Variants in SOX5 observed in about 807,000 individuals in gnomAD.
SOX5 encodes transcription factor SOX-5.
A neutral mutation model predicts 92.0 loss-of-function variants in SOX5; 9 were observed. The ratio of observed to expected loss-of-function variants is 0.10; its 90% CI spans 0.06 to 0.17. The LOEUF is 0.17. Among genes scored for constraint, SOX5 ranks in the 10% least tolerant of loss-of-function variants. SOX5 has a pLI of 1.00. For synonymous variants in SOX5, 344 were observed against 336.3 expected, an observed-to-expected ratio of 1.02 and a Z score of -0.25; for missense variants, 642 against 944.5, an observed-to-expected ratio of 0.68 and a Z score of 4.20.
intron 1 of SOX5, among the ~76,000 whole-genome samples, chr12:24,369,711 G>A (rs1249148110): frequency 6.6e-6 from 1 of 152,230 alleles, no homozygotes; most frequent in Admixed American, 6.5e-5. Flanking sequence ...TGCTGAAGCT[G>A]AGGTTGGTTT....
At chr12:24,387,041 C>T (rs538986301) in intron 1 of SOX5, among the ~76,000 whole-genome samples, 1 of 152,248 alleles carries the variant, frequency 6.6e-6, no homozygotes, top group Non-Finnish European at 1.5e-5. Flanking sequence ...TGGCACGGGG[C>T]CATGTAAATG....
chr12:23,922,943 C>CT (rs372074468), intron 1 of SOX5, among the ~76,000 whole-genome samples: 23,098 of 143,034 alleles, frequency 0.16, 1,869 homozygotes, highest in Non-Finnish European at 0.2. Context: ...GAAGCTCCTT[C>CT]TTTTTTTTTT....
chr12:24,227,860 T>C (rs1962430730), intron 3 of SOX5: 1 of 152,256 alleles, frequency 6.6e-6, no homozygotes, highest in East Asian at 1.9e-4. Context: ...AAGCATAGAG[T>C]TTACTAATAA....
At chr12:23,728,822 G>C (rs77406468) in intron 6 of SOX5, among the ~76,000 whole-genome samples, 5 of 152,122 alleles carry the variant, frequency 3.3e-5, no homozygotes, top group East Asian at 3.9e-4. Context: ...CAAAACTCGG[G>C]TAACTTGGAA....
chr12:24,017,626 T>C (rs1953803155), intron 4 of SOX5, among the ~76,000 whole-genome samples: 1 of 149,780 alleles, frequency 6.7e-6, no homozygotes, highest in Non-Finnish European at 1.5e-5. Context: ...TAAAATAACA[T>C]AAAATAAAAT....
chr12:24,110,900 C>CAAAAAAA (rs67100585), intron 4 of SOX5, among the ~76,000 whole-genome samples: 10 of 27,586 alleles, frequency 3.6e-4, no homozygotes, highest in African/African-American at 6.8e-4. Context: ...GACTCCACTT[C>CAAAAAAA]AAAAAAAAAA....
chr12:24,532,186 C>A (rs748440515), intron 1 of SOX5, among the ~76,000 whole-genome samples: 1 of 152,150 alleles, frequency 6.6e-6, no homozygotes, highest in African/African-American at 2.4e-5. Flanking sequence ...TTTATCTATC[C>A]TTGTCTGACA....
chr12:24,473,155 T>C (rs1944981242), intron 1 of SOX5, among the ~76,000 whole-genome samples: 1 of 152,122 alleles, frequency 6.6e-6, no homozygotes. Context: ...GTTTTAAAAC[T>C]AAGCAAATAT....
chr12:23,607,764 A>G (rs2075422692), intron 8 of SOX5, among the ~76,000 whole-genome samples: 1 of 152,210 alleles, frequency 6.6e-6, no homozygotes, highest in African/African-American at 2.4e-5. Flanking sequence ...AAGCACCTGG[A>G]GAACTATACA....
intron 2 of SOX5, among the ~76,000 whole-genome samples, chr12:24,278,222 T>C (rs2140386538): frequency 6.6e-6 from 1 of 152,310 alleles, no homozygotes; most frequent in East Asian, 1.9e-4. Flanking sequence ...TGAATAGTTT[T>C]ATTACCATAC....
chr12:24,498,771 C>T (rs1464029905), intron 1 of SOX5, among the ~76,000 whole-genome samples: 3 of 152,180 alleles, frequency 2.0e-5, no homozygotes, highest in Non-Finnish European at 4.4e-5. Flanking sequence ...AATCAACACA[C>T]TTCATGCTGG....
chr12:24,423,251 T>C (rs1164800594), intron 1 of SOX5, among the ~76,000 whole-genome samples: 1 of 152,218 alleles, frequency 6.6e-6, no homozygotes, highest in African/African-American at 2.4e-5. Flanking sequence ...AGAGCAGTTG[T>C]TGGTGACATT....
intron 4 of SOX5, among the ~76,000 whole-genome samples, chr12:24,094,454 C>CTTTTTTTTTTTT (rs5797062): frequency 9.4e-5 from 12 of 127,724 alleles, no homozygotes; most frequent in Non-Finnish European, 9.9e-5. Flanking sequence ...CTATTAGTGG[C>CTTTTTTTTTTTT]TTTTTTTTTT....
chr12:23,915,956 A>G lies in SOX5; in HGVS notation c.39-19932T>C, dbSNP rs1361638100. Among the ~76,000 whole-genome samples, 5 of 152,204 alleles carry G rather than the reference A, an allele frequency of 3.3e-5. No individual in the cohort carries two copies. The South Asian group carries it at 8.3e-4, about 25-fold the overall frequency. ...ACTGAACTTGCTGCACTAGCATTGC[A>G]AGAAAAAATCACAAACTCTTAAGTT... On this transcript the variant is annotated intron_variant, in intron 1 of 14. Transcript: ENST00000451604.
chr12:24,075,244 G>A (rs1942402304), intron 4 of SOX5, among the ~76,000 whole-genome samples: 1 of 146,044 alleles, frequency 6.8e-6, no homozygotes, highest in Admixed American at 7.0e-5. Context: ...ACTCCAGCCT[G>A]GGGCAAGAGA....
intron 2 of SOX5, among the ~76,000 whole-genome samples, chr12:23,886,459 T>C (rs897536176): frequency 1.4e-4 from 21 of 152,102 alleles, no homozygotes; most frequent in African/African-American, 4.1e-4. Context: ...TGAGGTCCCA[T>C]GGACAAATGA....
At chr12:23,953,470 T>C (rs1377035501), upstream of SOX5, among the ~76,000 whole-genome samples, 1 of 152,062 alleles carries the variant, frequency 6.6e-6, no homozygotes, top group Non-Finnish European at 1.5e-5. Flanking sequence ...TGTTAAGGTT[T>C]CAAAATACAT....
chr12:24,008,350 A>T (rs544504749), intron 4 of SOX5, among the ~76,000 whole-genome samples: 1 of 152,120 alleles, frequency 6.6e-6, no homozygotes, highest in Non-Finnish European at 1.5e-5. Flanking sequence ...GACTATTATG[A>T]TTGTTTCTGC....
chr12:23,702,842 G>A (rs1321814275), intron 6 of SOX5, among the ~76,000 whole-genome samples: 1 of 151,866 alleles, frequency 6.6e-6, no homozygotes, highest in African/African-American at 2.4e-5. Context: ...AGTTTAGATG[G>A]AAAAGGATTC....
Sources: gnomAD v4.1 joint callset for allele counts (sites outside exome capture counted in the v4.1 genomes callset) on GRCh38, gnomAD v4.1.1 for gene constraint, MANE v1.5 for transcripts, NCBI Gene and HGNC (gene_info 2026-07-23, HGNC 2026-07-21) for gene names.